Variants in ECE1 observed in about 807,000 individuals in gnomAD.
ECE1 encodes endothelin-converting enzyme 1.
ECE1 carries 35 observed loss-of-function variants against 98.6 expected under a neutral mutation model. The observed-to-expected ratio is 0.35, with a 90% CI of 0.27 to 0.47. The LOEUF is 0.47. Ranked by LOEUF, ECE1 falls within the 20% of genes least tolerant of loss-of-function variation. The probability of loss-of-function intolerance (pLI) is 1.00; values close to 1 mark genes in which losing one functional copy is unlikely to be tolerated. For synonymous variants in ECE1, 394 were observed against 407.1 expected (o/e 0.97, Z 0.39); for missense variants, 814 against 1,025.3 (o/e 0.79, Z 2.81).
chr1:21,290,229 C>G lies in ECE1; in HGVS notation c.52-73G>C, dbSNP rs1478705811. On this transcript the variant is annotated intron_variant, in intron 1 of 18. Transcript: ENST00000374893. The surrounding 1 kb of genome is among the most constrained non-coding windows in gnomAD (Gnocchi z 7.3). The stretch of plus-strand genomic sequence containing the variant: ...TCGCGCCCGAATGGGGAAGCGGCCC[C>G]GACCCTGGCGCCGCCGCCGCCGCGC... 2.1e-6 allele frequency: 3 copies of G among 1,413,512 alleles called. No homozygotes were observed. Among genetic ancestry groups the G allele is most frequent in the Non-Finnish European group, 2.8e-6 (3 of 1,077,936 alleles). 87.6% of individuals were successfully genotyped at this position (1,413,512 alleles called of 1,614,324 possible).
chr1:21,243,400 T>TA (rs10596193), intron 10 of ECE1, among the ~76,000 whole-genome samples: 3,980 of 142,592 alleles, frequency 0.028, 68 homozygotes, highest in Middle Eastern at 0.041. Context: ...ATAAATATAT[T>TA]AAAAAAAAAA....
chr1:21,326,240 G>C (rs1442200298), intron 1 of ECE1, among the ~76,000 whole-genome samples: 2 of 152,192 alleles, frequency 1.3e-5, no homozygotes, highest in Admixed American at 6.5e-5. Flanking sequence ...GGAGGTACAG[G>C]AGGGGCCACA....
In ECE1 at chr1:21,322,832, G is replaced by A. The variant is rs1362837739; in HGVS notation, c.3+22544C>T. ...AGGGAAGTGGGCATGGCCCCCGGAAGAGGACGCACATGGATCCGCCCTCTG... is the reference window on the plus strand; with the variant it reads ...AGGGAAGTGGGCATGGCCCCCGGAAAAGGACGCACATGGATCCGCCCTCTG... On this transcript the variant is annotated intron_variant, in intron 1 of 18. Transcript: ENST00000415912. The surrounding 1 kb of genome is among the most constrained non-coding windows in gnomAD (Gnocchi z 4.1). Among the ~76,000 whole-genome samples, 1 of 152,212 alleles carries A rather than the reference G, an allele frequency of 6.6e-6. No homozygotes were observed. The highest frequency in any genetic ancestry group is 1.5e-5 in the Non-Finnish European group (1 of 68,036).
intron 18 of ECE1, among the ~76,000 whole-genome samples, chr1:21,221,452 G>A (rs1294842861): frequency 6.6e-6 from 1 of 152,140 alleles, no homozygotes; most frequent in Non-Finnish European, 1.5e-5. Flanking sequence ...GATTATAGGC[G>A]TGGGCTGCTG....
At position 21,345,443 on chromosome 1, in the gene ECE1, G is replaced by C; in HGVS notation, c.-65C>G. On this transcript the variant is annotated 5_prime_UTR_variant, in exon 1 of 19. Transcript: ENST00000415912. This position sits in a 1 kb window ranked among gnomAD's most constrained non-coding sequence, Gnocchi z 5.1. ...GCCCGGCTCCCGATTCCCAGCTCCG[G>C]GTTCCCTGCTCCCAGCCCAGCTGCT... 2 of 1,284,912 alleles carry C rather than the reference G, an allele frequency of 1.6e-6. No individual in the cohort carries two copies. Among genetic ancestry groups the C allele is most frequent in the Non-Finnish European group, 2.0e-6 (2 of 1,000,942 alleles). The allele number at this position is 1,284,912 out of a possible 1,614,324, so 79.6% of individuals were successfully genotyped here. A position where few individuals can be genotyped will look rare whatever the true frequency, so the allele number is the denominator to read the frequency against.
In ECE1 at chr1:21,309,786, T is replaced by C. The variant is rs543875466; in HGVS notation, c.4-19630A>G. On this transcript the variant is annotated intron_variant, in intron 1 of 18. Transcript: ENST00000415912. ...GGATTTTCTTTTTTTTTCTTTCTTT[T>C]TTTTTTTTTTTTTGAGACGTTTTGA... is the stretch of plus-strand genomic sequence containing the variant. Among the ~76,000 whole-genome samples, 225 of 150,550 alleles carry C rather than the reference T, an allele frequency of 1.5e-3. 1 individual carries two copies. Among genetic ancestry groups the C allele is most frequent in the African/African-American group, 4.7e-3 (194 of 41,102 alleles).
intron 4 of ECE1, among the ~76,000 whole-genome samples, chr1:21,264,893 T>A (rs1573988062): frequency 6.6e-6 from 1 of 152,016 alleles, no homozygotes; most frequent in South Asian, 2.1e-4. Context: ...GGCTGGCTGG[T>A]CTCTTCTCTC....
At chr1:21,237,396 C>T (rs1028218868) in intron 11 of ECE1, among the ~76,000 whole-genome samples, 7 of 152,096 alleles carry the variant, frequency 4.6e-5, no homozygotes, top group African/African-American at 7.2e-5. Flanking sequence ...CAGAGCTGTG[C>T]GGCAACAAGA....
At chr1:21,276,467 A>T (rs1382636042) in intron 3 of ECE1, among the ~76,000 whole-genome samples, 1 of 152,176 alleles carries the variant, frequency 6.6e-6, no homozygotes, top group East Asian at 1.9e-4. Flanking sequence ...TCCTAGATTT[A>T]ATTTACAGAC....
chr1:21,236,861 C>G lies in ECE1; in HGVS notation c.1390-17G>C, dbSNP rs762745546. On this transcript the variant is annotated splice_polypyrimidine_tract_variant and intron_variant, in intron 11 of 18. Transcript: ENST00000374893. ...CTCGGTGGCCTGAGGAGATACACAT[C>G]ACAGCAGTAAGGTCTGCGCACTGGT... 1 of 1,608,246 alleles carries G rather than the reference C, an allele frequency of 6.2e-7. No individual in the cohort carries two copies. The highest frequency in any genetic ancestry group is 8.5e-7 in the Non-Finnish European group (1 of 1,176,440).
At chr1:21,232,157 C>G (rs2098182561) in intron 14 of ECE1, among the ~76,000 whole-genome samples, 1 of 152,138 alleles carries the variant, frequency 6.6e-6, no homozygotes, top group South Asian at 2.1e-4. Context: ...CACCAGGGGG[C>G]ACCAGAGGCA....
At chr1:21,295,491 G>A (rs1638331630) in intron 1 of ECE1, among the ~76,000 whole-genome samples, 1 of 152,184 alleles carries the variant, frequency 6.6e-6, no homozygotes, top group South Asian at 2.1e-4. Flanking sequence ...TTTTTCACCA[G>A]AGAAATTTCC....
chr1:21,286,885 C>A (rs2098261121), intron 2 of ECE1, among the ~76,000 whole-genome samples: 1 of 150,588 alleles, frequency 6.6e-6, no homozygotes, highest in Non-Finnish European at 1.5e-5. Flanking sequence ...CACTGCACTC[C>A]AGCCTGGCCA....
chr1:21,272,934 G>A (rs2103323532), intron 3 of ECE1, 23 bp from the exon 4 acceptor site: 2 of 1,613,404 alleles, frequency 1.2e-6, no homozygotes, highest in Non-Finnish European at 8.5e-7. Flanking sequence ...AGGACAAGAG[G>A]CCAGTGAAGG....
At chr1:21,315,420 A>G (rs1444485690) in intron 1 of ECE1, among the ~76,000 whole-genome samples, 1 of 152,206 alleles carries the variant, frequency 6.6e-6, no homozygotes, top group Non-Finnish European at 1.5e-5. Flanking sequence ...GTGATCTACC[A>G]GCTGGTGCCA....
intron 8 of ECE1, among the ~76,000 whole-genome samples, chr1:21,255,205 T>A (rs1033343396): frequency 1.3e-5 from 2 of 152,088 alleles, no homozygotes; most frequent in Non-Finnish European, 2.9e-5. Context: ...GAGATGACAC[T>A]CTGCGGGAGC....
intron 14 of ECE1, among the ~76,000 whole-genome samples, chr1:21,229,977 C>T (rs747454467): frequency 2.6e-5 from 4 of 152,006 alleles, no homozygotes; most frequent in East Asian, 1.9e-4. Context: ...TTGAGACCAG[C>T]CTGGGCAAAA....
chr1:21,254,087 A>G (rs2103278784), intron 8 of ECE1, among the ~76,000 whole-genome samples: 1 of 150,672 alleles, frequency 6.6e-6, no homozygotes, highest in South Asian at 2.1e-4. Context: ...AAAAAAAAAA[A>G]AAAAAGAGGA....
intron 14 of ECE1, among the ~76,000 whole-genome samples, chr1:21,229,936 C>T (rs111819354): frequency 1.7e-3 from 261 of 152,076 alleles, no homozygotes; most frequent in African/African-American, 5.6e-3. Context: ...CTTGGGAGGC[C>T]GAGGTGGGAG....
Sources: allele counts gnomAD v4.1 joint callset (sites outside exome capture counted in the v4.1 genomes callset), GRCh38; gene constraint gnomAD v4.1.1; non-coding constraint Gnocchi (gnomAD v3.1); transcripts MANE v1.5; gene names NCBI Gene and HGNC (gene_info 2026-07-23, HGNC 2026-07-21).